The following DNAH10 variants were observed in gnomAD, a reference collection of about 807,000 sequenced individuals.
DNAH10 encodes the protein dynein axonemal heavy chain 10.
A neutral mutation model predicts 506.6 loss-of-function variants in DNAH10; 348 were observed. The ratio of observed to expected loss-of-function variants is 0.69; its 90% CI spans 0.63 to 0.75. The LOEUF is 0.75. Ranked by LOEUF, DNAH10 falls within the 30% of genes least tolerant of loss-of-function variation. The probability of loss-of-function intolerance (pLI) is 0.00; values close to 1 mark genes in which losing one functional copy is unlikely to be tolerated. For missense variants in DNAH10, 5,179 were observed against 5,787.1 expected (o/e 0.89, Z 3.41); for synonymous variants, 2,059 against 2,198.6 (o/e 0.94, Z 1.78).
chr12:123,838,602 C>G lies in DNAH10; in HGVS notation c.5049C>G (p.Phe1683Leu). 1 of 1,614,018 alleles carries G rather than the reference C, an allele frequency of 6.2e-7. No homozygotes were observed. The highest frequency in any genetic ancestry group is 8.5e-7 in the Non-Finnish European group (1 of 1,179,908). ...NDYLDSKRNA[F>L]PRFFFISDDE... is the part of the protein sequence containing the mutation. ...ACTTAGATTCGAAGAGAAATGCTTT[C>G]CCAAGGTTCTTCTTCATTTCTGACG... Residue 1683 changes from phenylalanine to leucine, a missense_variant, in exon 29 of 79, where the codon TTC becomes TTG. Phe to Leu is a conservative substitution (Grantham distance 22, BLOSUM62 0). Around this residue, in one of 3 missense-constraint regions of DNAH10, gnomAD observed 4,844 missense variants for 5,430.5 expected, o/e 0.89. Coordinates refer to ENST00000673944, the MANE Select transcript of DNAH10 (RefSeq NM_001372106.1).
chr12:123,762,480 C>T lies in DNAH10; in HGVS notation c.144C>T (p.Ser48=), dbSNP rs1235153581. 4 of 1,508,994 alleles carry T rather than the reference C, an allele frequency of 2.7e-6. No homozygotes were observed. Among genetic ancestry groups the T allele is most frequent in the African/African-American group, 2.8e-5 (2 of 70,466 alleles). 93.5% of individuals were successfully genotyped at this position (1,508,994 alleles called of 1,614,324 possible). The change falls in exon 1 of 79, where the codon AGC becomes AGT. Residue 48 remains serine (S), a synonymous_variant. Transcript: ENST00000673944. The surrounding 1 kb of genome is among the most constrained non-coding windows in gnomAD (Gnocchi z 5.0). The stretch of plus-strand genomic sequence containing the variant: ...TCTTGCACTTCCTCAACCAGGCGAG[C>T]GAGGAGGAGGGGCCCTCGGCGCTCT... The part of the protein sequence containing the change: ...DLILHFLNQA[S]EEEGPSALFI...
intron 62 of DNAH10, among the ~76,000 whole-genome samples, chr12:123,915,290 C>T (rs1048806635): frequency 2.0e-5 from 3 of 152,002 alleles, no homozygotes; most frequent in Admixed American, 6.5e-5. Flanking sequence ...GGTGCTCAGT[C>T]ACTATTTTTT....
At chr12:123,773,604 AC>A (rs1375974299) in intron 4 of DNAH10, among the ~76,000 whole-genome samples, 1 of 152,166 alleles carries the variant, frequency 6.6e-6, no homozygotes, top group African/African-American at 2.4e-5. Context: ...GGTGAGGGCC[AC>A]TTCCTGGTTC....
intron 18 of DNAH10, among the ~76,000 whole-genome samples, chr12:123,805,285 G>A (rs1958624683): frequency 6.6e-6 from 1 of 152,202 alleles, no homozygotes; most frequent in Non-Finnish European, 1.5e-5. Flanking sequence ...TCGTGAGCCT[G>A]TGTTCAGCTG....
intron 1 of DNAH10, among the ~76,000 whole-genome samples, chr12:123,763,130 A>G (rs975827458): frequency 1.3e-5 from 2 of 152,200 alleles, no homozygotes; most frequent in African/African-American, 4.8e-5. Context: ...AAAGTTTAAA[A>G]ACTACAGTAG....
rs756827556 is a variant in DNAH10 at position 123,846,184 on chromosome 12, C to T, written c.5814+30C>T. The stretch of plus-strand genomic sequence containing the variant: ...CTGCCAGCCTGGCACTTGTGGTTAC[C>T]ACTTACCTTGGGGCGGGGCATTTTC... On this transcript the variant is annotated intron_variant, in intron 32 of 78. Transcript: ENST00000673944. The surrounding 1 kb of genome is among the most constrained non-coding windows in gnomAD (Gnocchi z 4.5). 1.8e-5 allele frequency: 28 copies of T among 1,596,590 alleles called. No homozygotes were observed. Among genetic ancestry groups the T allele is most frequent in the African/African-American group, 9.4e-5 (7 of 74,538 alleles).
intron 46 of DNAH10, 75 bp from the exon 47 acceptor site, chr12:123,875,156 G>A (rs140889039): frequency 6.7e-7 from 1 of 1,502,456 alleles, no homozygotes; most frequent in Admixed American, 2.1e-5. Flanking sequence ...CTTGAGCTGG[G>A]ATGGTCAGCC....
At chr12:123,876,103 G>A (rs560914805) in intron 47 of DNAH10, among the ~76,000 whole-genome samples, 26 of 152,246 alleles carry the variant, frequency 1.7e-4, no homozygotes, top group Middle Eastern at 6.8e-3. Flanking sequence ...CTGCTAAAGC[G>A]GAGTCTGCAC....
In DNAH10 at chr12:123,881,616, T is replaced by A. The variant is rs1419308371; in HGVS notation, c.8635-9T>A. 9.4e-6 allele frequency: 14 copies of A among 1,489,010 alleles called. No individual in the cohort carries two copies. The highest frequency in any genetic ancestry group is 5.3e-5 in the Admixed American group (2 of 37,714). 92.2% of individuals were successfully genotyped at this position (1,489,010 alleles called of 1,614,324 possible). ...GGGTTTTGAATTCTTTTTTTTTTTT[T>A]AAATGCAGGAAATTCTTGAAGAGTA... On this transcript the variant is annotated splice_polypyrimidine_tract_variant and intron_variant, in intron 50 of 78. Coordinates refer to ENST00000673944, the MANE Select transcript of DNAH10 (RefSeq NM_001372106.1).
At chr12:123,870,541 A>C (rs1407092490) in intron 44 of DNAH10, 56 bp downstream of exon 44, 1 of 1,572,686 alleles carries the variant, frequency 6.4e-7, no homozygotes, top group African/African-American at 1.4e-5. Flanking sequence ...TACTCGCTCT[A>C]GGAGGAGGCA....
At chr12:123,883,230 A>G (rs1023984233) in intron 51 of DNAH10, among the ~76,000 whole-genome samples, 9 of 152,202 alleles carry the variant, frequency 5.9e-5, no homozygotes, top group African/African-American at 2.2e-4. Context: ...GTATGCTCCT[A>G]CAAGTGGAAT....
chr12:123,910,182 G>A (rs909814157), intron 58 of DNAH10, among the ~76,000 whole-genome samples: 3 of 152,186 alleles, frequency 2.0e-5, no homozygotes. Flanking sequence ...CCGTTTATGT[G>A]AAATTACTCC....
In DNAH10 at chr12:123,903,832, C is replaced by T. The variant is rs1238058043; in HGVS notation, c.9815+719C>T. ...CCCACTGCCTCTGCCCCTGTGCTGC[C>T]TGGCCCCGCACAGACCCCTCGGCGT... On this transcript the variant is annotated intron_variant, in intron 57 of 78. Coordinates refer to ENST00000673944, the MANE Select transcript of DNAH10 (RefSeq NM_001372106.1). This position sits in a 1 kb window ranked among gnomAD's most constrained non-coding sequence, Gnocchi z 4.6. 6.6e-6 allele frequency among the ~76,000 whole-genome samples: 1 copy of T among 152,218 alleles called. No homozygotes were observed. Among genetic ancestry groups the T allele is most frequent in the African/African-American group, 2.4e-5 (1 of 41,462 alleles).
intron 52 of DNAH10, among the ~76,000 whole-genome samples, chr12:123,889,921 C>T (rs1594297843): frequency 6.6e-6 from 1 of 152,178 alleles, no homozygotes; most frequent in Admixed American, 6.5e-5. Flanking sequence ...TCTCATCCTT[C>T]CAGTCTCTAC....
Position 123,875,225 on chromosome 12 carries a change from A to C in DNAH10, c.7939-6A>C, listed in dbSNP as rs1394423228. 6.2e-7 allele frequency: 1 copy of C among 1,601,886 alleles called. No individual in the cohort carries two copies. The highest frequency in any genetic ancestry group is 1.3e-5 in the African/African-American group (1 of 74,708). On this transcript the variant is annotated splice_region_variant and splice_polypyrimidine_tract_variant and intron_variant, in intron 46 of 78. Transcript: ENST00000673944. ...TGTTCTCTTTTCTTTTTTAAAAAAA[A>C]TCAAGGTGGATGAATATGGCACGCA... is the stretch of plus-strand genomic sequence containing the variant.
intron 37 of DNAH10, among the ~76,000 whole-genome samples, chr12:123,857,544 G>A (rs1304559867): frequency 2.0e-5 from 3 of 151,984 alleles, no homozygotes; most frequent in Admixed American, 1.3e-4. Flanking sequence ...CCTGGCCAAC[G>A]TGGAGAAACC....
In DNAH10 at chr12:123,787,652, C is replaced by A; in HGVS notation, c.1422-152C>A. The A allele has an allele frequency of 1.1e-6, 1 of 898,986 alleles. No individual in the cohort carries two copies. The highest frequency in any genetic ancestry group is 1.7e-6 in the Non-Finnish European group (1 of 594,780). The allele number at this position is 898,986 out of a possible 1,614,324, so 55.7% of individuals were successfully genotyped here. ...GCCCTTGCACATGGGACAGGGCAGCCGCTTGCCCGCTCTGCCTTTTCCGAT... is the reference window on the plus strand; with the variant it reads ...GCCCTTGCACATGGGACAGGGCAGCAGCTTGCCCGCTCTGCCTTTTCCGAT... On this transcript the variant is annotated intron_variant, in intron 9 of 78. Transcript: ENST00000673944. This position sits in a 1 kb window ranked among gnomAD's most constrained non-coding sequence, Gnocchi z 4.6.
rs1355881788 is a variant in DNAH10 at position 123,916,879 on chromosome 12, TA to T, written c.11002+144del. The T allele has an allele frequency of 9.4e-7, 1 of 1,064,206 alleles. No individual in the cohort carries two copies. The highest frequency in any genetic ancestry group is 1.6e-5 in the African/African-American group (1 of 62,438). The allele number at this position is 1,064,206 out of a possible 1,614,324, so 65.9% of individuals were successfully genotyped here. A position where few individuals can be genotyped will look rare whatever the true frequency, so the allele number is the denominator to read the frequency against. Reference sequence around the variant, plus strand: ...AGGCACATCTGGACTAGTCAGCTCTTACCAATTAGGTACCACTTAGAAGGTG... The same window carrying T: ...AGGCACATCTGGACTAGTCAGCTCTTCCAATTAGGTACCACTTAGAAGGTG... On this transcript the variant is annotated intron_variant, in intron 63 of 78. Coordinates refer to ENST00000673944, the MANE Select transcript of DNAH10 (RefSeq NM_001372106.1). This position sits in a 1 kb window ranked among gnomAD's most constrained non-coding sequence, Gnocchi z 4.6.
At chr12:123,896,042 G>A (rs1953204552) in intron 54 of DNAH10, among the ~76,000 whole-genome samples, 1 of 151,602 alleles carries the variant, frequency 6.6e-6, no homozygotes, top group Non-Finnish European at 1.5e-5. Flanking sequence ...GAGCCCAGGA[G>A]GCAGAGGTTG....
Sources: gnomAD v4.1 joint callset for allele counts (sites outside exome capture counted in the v4.1 genomes callset) on GRCh38, gnomAD v4.1.1 for gene constraint, gnomAD v4.1.1 regional missense constraint, Gnocchi (gnomAD v3.1) non-coding constraint, MANE v1.5 for transcripts, NCBI Gene and HGNC (gene_info 2026-07-23, HGNC 2026-07-21) for gene names.